HPSE2: variants seen among roughly 807,000 people sequenced by gnomAD.
HPSE2 encodes heparanase 2 (inactive), also known as inactive heparanase-2.
Under a neutral mutation model 60.5 loss-of-function variants are expected in HPSE2, and 38 were observed. That is an observed-to-expected ratio of 0.63 (90% CI 0.48 to 0.82). HPSE2 has a LOEUF of 0.82. Among genes scored for constraint, HPSE2 ranks in the 40% least tolerant of loss-of-function variants. HPSE2 has a pLI of 0.00. For missense variants in HPSE2, 713 were observed against 740.4 expected, an observed-to-expected ratio of 0.96 and a Z score of 0.43; for synonymous variants, 295 against 293.2, an observed-to-expected ratio of 1.01 and a Z score of -0.06.
At chr10:98,981,845 T>G (rs1033710974) in intron 3 of HPSE2, among the ~76,000 whole-genome samples, 6 of 152,058 alleles carry the variant, frequency 3.9e-5, no homozygotes, top group Non-Finnish European at 7.4e-5. Context: ...ACTTATATAT[T>G]CTTTCCCATT....
At chr10:98,631,169 G>A (rs190294018) in intron 7 of HPSE2, among the ~76,000 whole-genome samples, 22 of 151,932 alleles carry the variant, frequency 1.4e-4, no homozygotes, top group South Asian at 8.3e-4. Flanking sequence ...TTTAATTTGC[G>A]GCTTCTGTTT....
chr10:98,824,282 C>T (rs1009314940), intron 3 of HPSE2, among the ~76,000 whole-genome samples: 4 of 152,106 alleles, frequency 2.6e-5, no homozygotes, highest in African/African-American at 9.7e-5. Context: ...ATGGAAGGAC[C>T]ATCTTAGTGC....
intron 9 of HPSE2, among the ~76,000 whole-genome samples, chr10:98,547,061 T>G: frequency 7.0e-6 from 1 of 142,416 alleles, no homozygotes; most frequent in African/African-American, 2.7e-5. Flanking sequence ...AAAATGCTCA[T>G]CATCACTGGC....
At chr10:98,507,440 A>G (rs959709509) in intron 9 of HPSE2, among the ~76,000 whole-genome samples, 9 of 152,188 alleles carry the variant, frequency 5.9e-5, no homozygotes, top group Non-Finnish European at 1.3e-4. Context: ...TGTTTTACCC[A>G]AAGAGAGAAG....
intron 9 of HPSE2, among the ~76,000 whole-genome samples, chr10:98,504,410 A>G (rs1460561901): frequency 6.6e-6 from 1 of 152,028 alleles, no homozygotes; most frequent in African/African-American, 2.4e-5. Context: ...TATATTATGT[A>G]TGTGTTTTCC....
At chr10:99,232,997 G>A (rs763719775) in intron 1 of HPSE2, among the ~76,000 whole-genome samples, 5 of 152,246 alleles carry the variant, frequency 3.3e-5, no homozygotes, top group Admixed American at 6.5e-5. Context: ...ACAAACCTCC[G>A]TGCAGGAGGT....
At chr10:98,900,897 T>C (rs1422125703) in intron 3 of HPSE2, among the ~76,000 whole-genome samples, 1 of 152,182 alleles carries the variant, frequency 6.6e-6, no homozygotes, top group Admixed American at 6.5e-5. Context: ...TAAAAATGTA[T>C]ACATAAATAC....
intron 3 of HPSE2, among the ~76,000 whole-genome samples, chr10:98,845,515 A>G (rs1952014065): frequency 6.6e-6 from 1 of 152,248 alleles, no homozygotes; most frequent in African/African-American, 2.4e-5. Context: ...TGAGAGAATC[A>G]TAACCTCTAC....
In HPSE2 at chr10:98,633,202, C is replaced by T. The variant is rs570790668; in HGVS notation, c.1098+8645G>A. Among the ~76,000 whole-genome samples, 242 of 151,902 alleles carry T rather than the reference C, an allele frequency of 1.6e-3. 4 individuals carry two copies. The South Asian group carries it at 0.026, about 17-fold the overall frequency. ...TGATTTTATTTTCTTTCTTTTTATTCCCTTTTTATTTTTGGAAACAGGGTC... is the reference window on the plus strand; with the variant it reads ...TGATTTTATTTTCTTTCTTTTTATTTCCTTTTTATTTTTGGAAACAGGGTC... On this transcript the variant is annotated intron_variant, in intron 7 of 11. Transcript: ENST00000370552.
intron 3 of HPSE2, among the ~76,000 whole-genome samples, chr10:98,804,280 G>C (rs548034565): frequency 6.6e-6 from 1 of 151,960 alleles, no homozygotes; most frequent in African/African-American, 2.4e-5. Context: ...ATGGACAAAT[G>C]GGATCACACC....
At chr10:98,909,369 G>C (rs1169286514) in intron 3 of HPSE2, among the ~76,000 whole-genome samples, 3 of 148,222 alleles carry the variant, frequency 2.0e-5, no homozygotes, top group Non-Finnish European at 4.4e-5. Flanking sequence ...AGTGGCTCAT[G>C]CCTCTAATCC....
chr10:98,579,790 TA>T (rs1944742703), intron 9 of HPSE2, among the ~76,000 whole-genome samples: 1 of 152,220 alleles, frequency 6.6e-6, no homozygotes, highest in Admixed American at 6.5e-5. Context: ...TTACAGTTTC[TA>T]AAAGGCTTTT....
intron 3 of HPSE2, among the ~76,000 whole-genome samples, chr10:98,793,435 A>G (rs77567008): frequency 0.011 from 1,744 of 152,324 alleles, 22 homozygotes; most frequent in Non-Finnish European, 0.016. Context: ...AGTTCTTTGT[A>G]CATATAAATG....
intron 3 of HPSE2, among the ~76,000 whole-genome samples, chr10:99,113,391 G>C (rs1844549691): frequency 1.3e-5 from 2 of 152,074 alleles, no homozygotes; most frequent in South Asian, 4.1e-4. Flanking sequence ...GACTTCACAG[G>C]TTGGTGGTCT....
intron 9 of HPSE2, among the ~76,000 whole-genome samples, chr10:98,494,824 C>T (rs879503760): frequency 5.3e-5 from 8 of 152,106 alleles, no homozygotes; most frequent in Non-Finnish European, 1.0e-4. Flanking sequence ...ATAACACTAG[C>T]TTCTAGACTA....
intron 3 of HPSE2, among the ~76,000 whole-genome samples, chr10:99,053,237 G>A (rs1958030691): frequency 6.6e-6 from 1 of 151,990 alleles, no homozygotes; most frequent in Non-Finnish European, 1.5e-5. Flanking sequence ...AAGGATGGGT[G>A]AGAAGTTAAA....
chr10:99,192,172 T>C (rs1244827796), intron 2 of HPSE2, among the ~76,000 whole-genome samples: 1 of 152,068 alleles, frequency 6.6e-6, no homozygotes, highest in Non-Finnish European at 1.5e-5. Flanking sequence ...AAGAATGAAG[T>C]AGAAAGTTTA....
In HPSE2 at chr10:98,930,870, C is replaced by G. The variant is rs762400822; in HGVS notation, c.611-186814G>C. ...TTCCTTGTAGATTCTGGATATTAGC[C>G]CTTTGTCAGATGGATAGATTGCAAA... On this transcript the variant is annotated intron_variant, in intron 3 of 11. Transcript: ENST00000370552. Among the ~76,000 whole-genome samples, 52 of 143,760 alleles carry G rather than the reference C, an allele frequency of 3.6e-4. 9 individuals are homozygous for G. Among genetic ancestry groups the G allele is most frequent in the Non-Finnish European group, 2.7e-4 (18 of 67,166 alleles). 94.3% of individuals were successfully genotyped at this position (143,760 alleles called of 152,430 possible). A position where few individuals can be genotyped will look rare whatever the true frequency, so the allele number is the denominator to read the frequency against.
intron 9 of HPSE2, among the ~76,000 whole-genome samples, chr10:98,505,763 G>A (rs1336637267): frequency 6.6e-6 from 1 of 152,078 alleles, no homozygotes. Context: ...AATTATACCA[G>A]CATCATTTAT....
Sources: allele counts gnomAD v4.1 joint callset (sites outside exome capture counted in the v4.1 genomes callset), GRCh38; gene constraint gnomAD v4.1.1; transcripts MANE v1.5; gene names NCBI Gene and HGNC (gene_info 2026-07-23, HGNC 2026-07-21).